Variants in PLEC observed in about 807,000 individuals in gnomAD.
The protein encoded by PLEC is plectin.
A neutral mutation model predicts 392.8 loss-of-function variants in PLEC; 216 were observed. The ratio of observed to expected loss-of-function variants is 0.55; its 90% CI spans 0.49 to 0.62. PLEC has a LOEUF of 0.62. PLEC is among the 20% of genes least tolerant of loss of function. PLEC has a pLI of 0.00. For synonymous variants in PLEC, 3,621 were observed against 2,980.6 expected, an observed-to-expected ratio of 1.21 and a Z score of -7.00; for missense variants, 6,863 against 6,563.4, an observed-to-expected ratio of 1.05 and a Z score of -1.58.
At position 143,926,971 on chromosome 8, in the gene PLEC, C is replaced by T; in HGVS notation, c.3945+6G>A. ...CCTCACCCAGTTAGGTTCGGCCCCA[C>T]CCTACCTCCTGGATGACACTCTCTG... On this transcript the variant is annotated splice_donor_region_variant and intron_variant, in intron 29 of 31. Transcript: ENST00000345136. 1 of 1,612,454 alleles carries T rather than the reference C, an allele frequency of 6.2e-7. No homozygotes were observed. The highest frequency in any genetic ancestry group is 8.5e-7 in the Non-Finnish European group (1 of 1,179,240).
intron 1 of PLEC, among the ~76,000 whole-genome samples, chr8:143,963,839 G>T: frequency 7.0e-6 from 1 of 142,178 alleles, no homozygotes. Flanking sequence ...TTGAGATGGA[G>T]TCTTGCTCTG....
At chr8:143,951,026 T>C (rs1335421155), upstream of PLEC, 3 of 490,378 alleles carry the variant, frequency 6.1e-6, no homozygotes, top group Middle Eastern at 5.6e-4. Flanking sequence ...CCTTGTAGAG[T>C]GGGGGGCACC....
rs781972617 is a variant in PLEC at position 143,933,361 on chromosome 8, C to T, written c.1264-10G>A. Reference sequence around the variant, plus strand: ...CCAGCAGCCGGACATCCTGCAAGGTCGTTGCCATGACTCGGAGCACAGCTG... The same window carrying T: ...CCAGCAGCCGGACATCCTGCAAGGTTGTTGCCATGACTCGGAGCACAGCTG... On this transcript the variant is annotated splice_polypyrimidine_tract_variant and intron_variant, in intron 12 of 31. Transcript: ENST00000345136. The T allele has an allele frequency of 1.2e-5, 19 of 1,609,314 alleles. 1 individual carries two copies. In the East Asian group the frequency reaches 2.7e-4, roughly 23 times the overall value.
At chr8:143,955,992 C>A (rs1832569968), upstream of PLEC, among the ~76,000 whole-genome samples, 2 of 150,944 alleles carry the variant, frequency 1.3e-5, no homozygotes, top group African/African-American at 4.9e-5. Context: ...GCTCTGTCAC[C>A]CAGGCTGGAG....
At chr8:143,960,628 A>G (rs868973909) in intron 1 of PLEC, among the ~76,000 whole-genome samples, 12 of 152,310 alleles carry the variant, frequency 7.9e-5, no homozygotes, top group Middle Eastern at 3.4e-3. Context: ...AGAAAAAAAA[A>G]AAGAACTTAT....
intron 1 of PLEC, chr8:143,944,774 A>G (rs1831193685): frequency 8.5e-7 from 1 of 1,170,120 alleles, no homozygotes; most frequent in South Asian, 4.0e-5. Flanking sequence ...GGGTGGGAGG[A>G]GGGCACGGCC....
In PLEC at chr8:143,922,809, G is replaced by A. The variant is rs200153170; in HGVS notation, c.7120C>T (p.Arg2374Trp). ...GCCTCAGCGCTCATCTCCAGCTGCCGCTGCCGCTCGGCCTCCAGCGTCCGC... is the reference window on the plus strand; with the variant it reads ...GCCTCAGCGCTCATCTCCAGCTGCCACTGCCGCTCGGCCTCCAGCGTCCGC... Reference protein sequence around the residue: ...FQRTLEAERQRQLEMSAEAER... With the variant: ...FQRTLEAERQWQLEMSAEAER... The change falls in exon 31 of 32, where the codon CGG (arginine) becomes TGG (tryptophan). Residue 2374 changes from arginine (R) to tryptophan (W), a missense_variant. Arg to Trp is a moderately radical substitution (Grantham distance 101). Transcript: ENST00000345136. 23 of 1,585,938 alleles carry A rather than the reference G, an allele frequency of 1.5e-5. No homozygotes were observed. Among genetic ancestry groups the A allele is most frequent in the African/African-American group, 5.4e-5 (4 of 74,318 alleles).
At chr8:143,933,703 C>A (rs1032149297) in intron 12 of PLEC, among the ~76,000 whole-genome samples, 6 of 152,340 alleles carry the variant, frequency 3.9e-5, no homozygotes, top group African/African-American at 1.4e-4. Flanking sequence ...CCTCCCCCAA[C>A]CCCTCCCCTA....
Position 143,916,252 on chromosome 8 carries a change from G to C in PLEC, c.13569C>G (p.Ser4523=). The C allele has an allele frequency of 1.3e-6, 2 of 1,548,294 alleles. No homozygotes were observed. The highest frequency in any genetic ancestry group is 1.4e-5 in the African/African-American group (1 of 72,998). Residue 4523 remains serine (S), a synonymous_variant, in exon 32 of 32, where the codon TCC becomes TCG. Transcript: ENST00000345136. ...FSMTFSSSSY[S]SSGYGRRYAS... ...CGTAGCGGCGGCCGTAGCCCGAGGA[G>C]GAGTAGGAGGATGAAGAGAAGGTCA...
rs986744036 is a variant in PLEC at position 143,916,033 on chromosome 8, T to G, written c.*144A>C. 1.7e-6 allele frequency: 1 copy of G among 578,276 alleles called. No individual in the cohort carries two copies. Among genetic ancestry groups the G allele is most frequent in the Admixed American group, 3.3e-5 (1 of 30,166 alleles). The allele number at this position is 578,276 out of a possible 1,614,324, so 35.8% of individuals were successfully genotyped here. The stretch of plus-strand genomic sequence containing the variant: ...ATACAGGCTGTCTGGACAGCAGATA[T>G]ATATTAATATATTAGTCTGGTCTTT... On this transcript the variant is annotated 3_prime_UTR_variant, in exon 32 of 32. Coordinates refer to ENST00000345136, the MANE Select transcript of PLEC (RefSeq NM_201384.3).
chr8:143,939,725 C>G (rs4073081), upstream of PLEC: 429,141 of 1,162,514 alleles, frequency 0.37, 84,070 homozygotes, highest in Non-Finnish European at 0.4. Flanking sequence ...CAGCCCCCTC[C>G]CCCACAGACA....
rs560763455 is a variant in PLEC at position 143,922,079 on chromosome 8, C to T, written c.7742G>A (p.Arg2581Gln). The change falls in exon 32 of 32, where the codon CGG becomes CAG. Residue 2581 changes from arginine to glutamine, a missense_variant. By Grantham distance (43) the Arg-to-Gln change is conservative (BLOSUM62 1). Coordinates refer to ENST00000345136, the MANE Select transcript of PLEC (RefSeq NM_201384.3). ...EELQQLEQQRRQQEELLAEEN... is the reference protein window; with the variant it reads ...EELQQLEQQRQQQEELLAEEN... ...CTCAGCCAGCAGCTCCTCCTGCTGC[C>T]GCCGCTGCTGCTCCAGCTGCTGCAG... 4.6e-5 allele frequency: 72 copies of T among 1,576,394 alleles called. No homozygotes were observed. Among genetic ancestry groups the T allele is most frequent in the African/African-American group, 1.2e-4 (9 of 74,578 alleles).
Position 143,920,349 on chromosome 8 carries a change from A to G in PLEC, c.9472T>C (p.Cys3158Arg), listed in dbSNP as rs1411407896. 2 of 1,594,838 alleles carry G rather than the reference A, an allele frequency of 1.3e-6. No homozygotes were observed. Among genetic ancestry groups the G allele is most frequent in the African/African-American group, 2.7e-5 (2 of 74,704 alleles). ...TCCTCATCCAGGCAGCCTCGGGCGC[A>G]GGCGACATCCAGGGGCACGCGGTGG... ...KSHRVPLDVA[C>R]ARGCLDEETS... Residue 3158 changes from cysteine (C) to arginine (R), a missense_variant, in exon 32 of 32, where the codon TGC (cysteine) becomes CGC (arginine). By Grantham distance (180) the Cys-to-Arg change is radical (BLOSUM62 -3). Transcript: ENST00000345136.
chr8:143,973,298 G>T lies in PLEC; in HGVS notation c.70+105C>A. 1 of 1,411,518 alleles carries T rather than the reference G, an allele frequency of 7.1e-7. No homozygotes were observed. The highest frequency in any genetic ancestry group is 9.6e-7 in the Non-Finnish European group (1 of 1,038,594). The allele number at this position is 1,411,518 out of a possible 1,614,324, so 87.4% of individuals were successfully genotyped here. A position where few individuals can be genotyped will look rare whatever the true frequency, so the allele number is the denominator to read the frequency against. ...TCCAGGCGGACGAGGCCGGCGGAGT[G>T]GCCGCGCTCGGGCCGGCGATCGGGA... On this transcript the variant is annotated intron_variant, in intron 1 of 31. Coordinates refer to the PLEC transcript ENST00000356346. The surrounding 1 kb of genome is among the most constrained non-coding windows in gnomAD (Gnocchi z 5.6).
intron 30 of PLEC, among the ~76,000 whole-genome samples, chr8:143,926,272 G>T (rs530742288): frequency 3.3e-5 from 5 of 152,182 alleles, no homozygotes; most frequent in Admixed American, 6.5e-5. Flanking sequence ...CCCTCTCCCC[G>T]ACCAGGGTGG....
rs542567139 is a variant in PLEC, at chr8:143,922,336, G to A, written c.7485C>T (p.Phe2495=). 133 of 1,606,332 alleles carry A rather than the reference G, an allele frequency of 8.3e-5. No homozygotes were observed. The highest frequency in any genetic ancestry group is 1.7e-4 in the Middle Eastern group (1 of 6,056). The change falls in exon 32 of 32, where the codon TTC becomes TTT. Residue 2495 remains phenylalanine, a synonymous_variant. Transcript: ENST00000345136. ...LQETQALQQS[F]LSEKDSLLQR... is the part of the protein sequence containing the mutation. ...GTAGCAGGCTGTCCTTTTCAGAGAG[G>A]AAGCTTTGCTGCAGGGCCTGCGTCT...
chr8:143,933,873 C>G, intron 12 of PLEC, 125 bp downstream of exon 12: 2 of 783,644 alleles, frequency 2.6e-6, no homozygotes, highest in Non-Finnish European at 2.1e-6. Context: ...CCACATGCCC[C>G]GCCCCTGCCC....
At chr8:143,951,627 C>T (rs1262418461), upstream of PLEC, among the ~76,000 whole-genome samples, 1 of 152,146 alleles carries the variant, frequency 6.6e-6, no homozygotes, top group Non-Finnish European at 1.5e-5. Context: ...AATTCACCCC[C>T]ACCTCCAACC....
At chr8:143,929,076 C>T (rs994609863) in intron 25 of PLEC, 27 bp downstream of exon 25, 1 of 1,551,512 alleles carries the variant, frequency 6.4e-7, no homozygotes, top group African/African-American at 1.4e-5. Flanking sequence ...CGACCCCAGC[C>T]CCTCGCCTGT....
Sources: gnomAD v4.1 joint callset for allele counts (sites outside exome capture counted in the v4.1 genomes callset) on GRCh38, gnomAD v4.1.1 for gene constraint, Gnocchi (gnomAD v3.1) non-coding constraint, MANE v1.5 for transcripts, NCBI Gene and HGNC (gene_info 2026-07-23, HGNC 2026-07-21) for gene names.